The following DLC1 variants were observed in gnomAD, a reference collection of about 807,000 sequenced individuals.
DLC1 encodes the protein DLC1 Rho GTPase activating protein, also known as rho GTPase-activating protein 7.
In DLC1, 54 loss-of-function variants were observed where a neutral mutation model predicts 140.3. The ratio of observed to expected loss-of-function variants is 0.38; its 90% CI spans 0.31 to 0.48. The LOEUF is 0.48. Ranked by LOEUF, DLC1 falls within the 20% of genes least tolerant of loss-of-function variation. The pLI is 0.96. For missense variants in DLC1, 2,536 were observed against 1,907.0 expected, an observed-to-expected ratio of 1.33 and a Z score of -6.14; for synonymous variants, 986 against 728.1, an observed-to-expected ratio of 1.35 and a Z score of -5.70.
At chr8:13,421,343 C>G (rs893549020) in intron 2 of DLC1, among the ~76,000 whole-genome samples, 3 of 152,008 alleles carry the variant, frequency 2.0e-5, no homozygotes, top group East Asian at 1.9e-4. Context: ...TACCCAGTAG[C>G]GTCTATGCAC....
chr8:13,230,342 A>G (rs1047388038), intron 5 of DLC1, among the ~76,000 whole-genome samples: 1 of 152,208 alleles, frequency 6.6e-6, no homozygotes, highest in African/African-American at 2.4e-5. Flanking sequence ...AGATTTGCAC[A>G]GCAATTTGCT....
At chr8:13,154,180 A>C (rs1442835881) in intron 5 of DLC1, among the ~76,000 whole-genome samples, 1 of 152,176 alleles carries the variant, frequency 6.6e-6, no homozygotes, top group Non-Finnish European at 1.5e-5. Context: ...GGCTTCCCCT[A>C]GTGGATCCCG....
intron 1 of DLC1, among the ~76,000 whole-genome samples, chr8:13,523,038 G>T (rs1187096055): frequency 1.3e-5 from 2 of 152,216 alleles, no homozygotes; most frequent in African/African-American, 2.4e-5. Flanking sequence ...AGGTTAGGTA[G>T]TGTCTTGTAA....
At chr8:13,230,969 G>C (rs529488332) in intron 5 of DLC1, among the ~76,000 whole-genome samples, 168 of 152,176 alleles carry the variant, frequency 1.1e-3, no homozygotes, top group Admixed American at 1.8e-3. Context: ...AGGGATTTAG[G>C]CGTTTGTCAC....
intron 1 of DLC1, among the ~76,000 whole-genome samples, chr8:13,569,179 C>T (rs188754715): frequency 1.3e-5 from 2 of 152,168 alleles, no homozygotes; most frequent in African/African-American, 4.8e-5. Flanking sequence ...TCTATTTCCT[C>T]TATAAAAATA....
chr8:13,595,979 T>A (rs892897535), intron 1 of DLC1, among the ~76,000 whole-genome samples: 3 of 152,026 alleles, frequency 2.0e-5, no homozygotes, highest in Non-Finnish European at 4.4e-5. Flanking sequence ...CCTCCTTTCA[T>A]ACATGCAGTC....
Position 13,514,615 on chromosome 8 carries a change from A to T in DLC1, c.-139T>A. 1 of 398,590 alleles carries T rather than the reference A, an allele frequency of 2.5e-6. No individual in the cohort carries two copies. Among genetic ancestry groups the T allele is most frequent in the Non-Finnish European group, 4.4e-6 (1 of 226,032 alleles). The allele number at this position is 398,590 out of a possible 1,614,324, so 24.7% of individuals were successfully genotyped here. A position where few individuals can be genotyped will look rare whatever the true frequency, so the allele number is the denominator to read the frequency against. Reference sequence around the variant, plus strand: ...ATAGCGTCTTACCTAGACAACGAGGAGCTGAAACGCCAAGGCATGACACTG... The same window carrying T: ...ATAGCGTCTTACCTAGACAACGAGGTGCTGAAACGCCAAGGCATGACACTG... On this transcript the variant is annotated 5_prime_UTR_variant, in exon 1 of 18. Coordinates refer to ENST00000276297, the MANE Select transcript of DLC1 (RefSeq NM_182643.3).
At chr8:13,215,205 G>A (rs936439727) in intron 5 of DLC1, among the ~76,000 whole-genome samples, 7 of 151,944 alleles carry the variant, frequency 4.6e-5, no homozygotes, top group Non-Finnish European at 8.8e-5. Flanking sequence ...TTTCCCAAAC[G>A]TCTTACAAAA....
rs986317324 is a variant in DLC1, at chr8:13,205,511, G to A, written c.1349-89854C>T. ...TTGCTTTCATCATTTACATAAGGGC[G>A]GGGGGCCCAAACTTTTGGTTTCCCT... On this transcript the variant is annotated intron_variant, in intron 5 of 17. Transcript: ENST00000276297. Among the ~76,000 whole-genome samples, 5 of 151,978 alleles carry A rather than the reference G, an allele frequency of 3.3e-5. No homozygotes were observed. In the South Asian group the frequency reaches 8.3e-4, roughly 25 times the overall value.
intron 1 of DLC1, among the ~76,000 whole-genome samples, chr8:13,513,890 C>G (rs537502915): frequency 1.3e-5 from 2 of 152,110 alleles, no homozygotes; most frequent in African/African-American, 4.8e-5. Context: ...TTCAGTTATT[C>G]AAAATATTAC....
intron 5 of DLC1, among the ~76,000 whole-genome samples, chr8:13,274,242 A>G (rs1831070913): frequency 6.6e-6 from 1 of 152,186 alleles, no homozygotes; most frequent in African/African-American, 2.4e-5. Context: ...CACCAAGTCA[A>G]TCTTCATTTG....
chr8:13,323,067 C>T (rs1338790163), intron 4 of DLC1, among the ~76,000 whole-genome samples: 1 of 152,178 alleles, frequency 6.6e-6, no homozygotes, highest in Non-Finnish European at 1.5e-5. Flanking sequence ...ACACTCCAGG[C>T]CTAGTCAAGT....
At chr8:13,462,004 G>A (rs1408564251) in intron 2 of DLC1, among the ~76,000 whole-genome samples, 2 of 152,078 alleles carry the variant, frequency 1.3e-5, no homozygotes, top group Admixed American at 6.6e-5. Flanking sequence ...CCCGTTTTAC[G>A]ATCTTTCTTC....
intron 2 of DLC1, among the ~76,000 whole-genome samples, chr8:13,431,116 T>G (rs2117391981): frequency 6.6e-6 from 1 of 152,200 alleles, no homozygotes; most frequent in South Asian, 2.1e-4. Context: ...TCAAAGTAGC[T>G]TAAGCAAAAA....
chr8:13,097,057 A>G lies in DLC1; in HGVS notation c.3167+1342T>C, dbSNP rs186361521. On this transcript the variant is annotated intron_variant, in intron 10 of 17. Coordinates refer to ENST00000276297, the MANE Select transcript of DLC1 (RefSeq NM_182643.3). ...ACAGCCTACCCCTCACATTCTATATACTAAGGAGCTATATTTTTCAAAGTA... is the reference window on the plus strand; with the variant it reads ...ACAGCCTACCCCTCACATTCTATATGCTAAGGAGCTATATTTTTCAAAGTA... Among the ~76,000 whole-genome samples the G allele has an allele frequency of 9.9e-5, 15 of 152,242 alleles. No homozygotes were observed. The East Asian group carries it at 2.9e-3, about 29-fold the overall frequency.
intron 5 of DLC1, among the ~76,000 whole-genome samples, chr8:13,190,508 G>C (rs980929918): frequency 2.0e-5 from 3 of 152,096 alleles, no homozygotes; most frequent in East Asian, 1.9e-4. Context: ...GTTTATGAAG[G>C]GTTTTAGTGA....
chr8:13,207,785 G>A (rs1272406979), intron 5 of DLC1, among the ~76,000 whole-genome samples: 1 of 152,118 alleles, frequency 6.6e-6, no homozygotes, highest in East Asian at 1.9e-4. Context: ...CAGGGGTGCT[G>A]CTAACATCCC....
In DLC1 at chr8:13,393,490, A is replaced by G. The variant is rs927867823; in HGVS notation, c.1314+63T>C. ...TTTCTTCTATATCGAATGAATATCAACTCTTACCTGATGATCATCAACATT... is the reference window on the plus strand; with the variant it reads ...TTTCTTCTATATCGAATGAATATCAGCTCTTACCTGATGATCATCAACATT... On this transcript the variant is annotated intron_variant, in intron 4 of 17. Coordinates refer to ENST00000276297, the MANE Select transcript of DLC1 (RefSeq NM_182643.3). 2.0e-6 allele frequency: 3 copies of G among 1,522,570 alleles called. No homozygotes were observed. The African/African-American group carries it at 4.1e-5, about 21-fold the overall frequency. 94.3% of individuals were successfully genotyped at this position (1,522,570 alleles called of 1,614,324 possible).
Position 13,431,147 on chromosome 8 carries a change from A to C in DLC1, c.1024-29528T>G, listed in dbSNP as rs980279821. Reference sequence around the variant, plus strand: ...AAAAAAGAAAATGTATTGGTGACATAACTGAGAAGTCCAAGAGGATGACTG... The same window carrying C: ...AAAAAAGAAAATGTATTGGTGACATCACTGAGAAGTCCAAGAGGATGACTG... On this transcript the variant is annotated intron_variant, in intron 2 of 17. Coordinates refer to ENST00000276297, the MANE Select transcript of DLC1 (RefSeq NM_182643.3). 7.9e-5 allele frequency among the ~76,000 whole-genome samples: 12 copies of C among 152,328 alleles called. No homozygotes were observed. The East Asian group carries it at 2.3e-3, about 29-fold the overall frequency.
Sources: gnomAD v4.1 joint callset for allele counts (sites outside exome capture counted in the v4.1 genomes callset) on GRCh38, gnomAD v4.1.1 for gene constraint, MANE v1.5 for transcripts, NCBI Gene and HGNC (gene_info 2026-07-23, HGNC 2026-07-21) for gene names.